The following SHC4 variants were observed in gnomAD, a reference collection of about 807,000 sequenced individuals.
SHC4 encodes the protein SHC adaptor protein 4, also known as SHC-transforming protein 4.
SHC4 carries 41 observed loss-of-function variants against 69.4 expected under a neutral mutation model. The ratio of observed to expected loss-of-function variants is 0.59; its 90% CI spans 0.46 to 0.77. SHC4 has a LOEUF of 0.77. Ranked by LOEUF, SHC4 falls within the 30% of genes least tolerant of loss-of-function variation. The pLI is 0.00. For synonymous variants in SHC4, 318 were observed against 299.3 expected (o/e 1.06, Z -0.64); for missense variants, 777 against 783.8 (o/e 0.99, Z 0.10).
intron 9 of SHC4, among the ~76,000 whole-genome samples, chr15:48,849,901 G>A (rs1304938333): frequency 6.6e-6 from 1 of 152,192 alleles, no homozygotes; most frequent in Non-Finnish European, 1.5e-5. Flanking sequence ...TATTTTTACA[G>A]AACTTAAAAT....
At chr15:48,851,120 G>T in intron 9 of SHC4, 68 bp downstream of exon 9, 1 of 1,479,958 alleles carries the variant, frequency 6.8e-7, no homozygotes, top group Non-Finnish European at 9.4e-7. Context: ...AAGAGCAAGG[G>T]CCACATATGT....
chr15:48,856,063 T>A lies in SHC4; in HGVS notation c.1132A>T (p.Ile378Phe), dbSNP rs1049270486. The A allele has an allele frequency of 3.7e-6, 6 of 1,613,894 alleles. No homozygotes were observed. The highest frequency in any genetic ancestry group is 1.7e-4 in the Middle Eastern group (1 of 6,060). The change falls in exon 8 of 12, where the codon ATT becomes TTT. Residue 378 changes from isoleucine (I) to phenylalanine (F), a missense_variant. Transcript: ENST00000332408. ...EREDHEYYNE[I>F]PGKQPPVGGV... ...CCTACTGGTGGCTGCTTCCCTGGAA[T>A]TTCATTGTAATATTCATGATCTTCT... is the stretch of plus-strand genomic sequence containing the variant.
At chr15:48,895,764 A>G (rs1486278665) in intron 2 of SHC4, among the ~76,000 whole-genome samples, 1 of 152,134 alleles carries the variant, frequency 6.6e-6, no homozygotes, top group Admixed American at 6.5e-5. Flanking sequence ...AAAGGGGAAA[A>G]CTTGTGCTTA....
At chr15:48,961,168 G>C (rs1032059955) in intron 1 of SHC4, among the ~76,000 whole-genome samples, 9 of 152,048 alleles carry the variant, frequency 5.9e-5, no homozygotes, top group African/African-American at 2.2e-4. Context: ...TGTCCTCCAA[G>C]TCTCTAATTT....
At chr15:48,827,149 G>C (rs1261382922) in intron 11 of SHC4, among the ~76,000 whole-genome samples, 1 of 152,152 alleles carries the variant, frequency 6.6e-6, no homozygotes, top group Non-Finnish European at 1.5e-5. Flanking sequence ...ATGCAACAAG[G>C]CAGCACCTCG....
chr15:48,954,326 C>G (rs1010516861), intron 1 of SHC4, among the ~76,000 whole-genome samples: 1 of 152,222 alleles, frequency 6.6e-6, no homozygotes, highest in Non-Finnish European at 1.5e-5. Context: ...CTGGACTCAG[C>G]AGAGGTTCCC....
intron 3 of SHC4, among the ~76,000 whole-genome samples, chr15:48,889,695 T>A (rs908529946): frequency 6.6e-6 from 1 of 152,078 alleles, no homozygotes; most frequent in African/African-American, 2.4e-5. Context: ...ATACAAAAAA[T>A]TAGCCGGGTG....
chr15:48,849,367 C>A (rs1421807409), intron 9 of SHC4, among the ~76,000 whole-genome samples: 1 of 152,140 alleles, frequency 6.6e-6, no homozygotes, highest in Non-Finnish European at 1.5e-5. Flanking sequence ...ACAGCCTCCC[C>A]AATTAAGTTA....
intron 9 of SHC4, among the ~76,000 whole-genome samples, chr15:48,844,586 T>C (rs1211149113): frequency 1.3e-5 from 2 of 152,198 alleles, no homozygotes; most frequent in Non-Finnish European, 2.9e-5. Context: ...CAGACCAGAA[T>C]AGATCTCTGC....
intron 9 of SHC4, among the ~76,000 whole-genome samples, chr15:48,844,209 C>A (rs1899046026): frequency 6.6e-6 from 1 of 152,144 alleles, no homozygotes; most frequent in Non-Finnish European, 1.5e-5. Context: ...GAACTCAAGC[C>A]TCAGGTTATC....
At position 48,963,289 on chromosome 15, in the gene SHC4, C is replaced by A. The variant is rs916816260; in HGVS notation, c.-274G>T. On this transcript the variant is annotated 5_prime_UTR_variant, in exon 1 of 12. Coordinates refer to ENST00000332408, the MANE Select transcript of SHC4 (RefSeq NM_203349.4). Reference sequence around the variant, plus strand: ...GGAATCCTTGTCGGGAGAGCCTAGACCCAGGCTCCCGGCGGCGCGGGTCGC... The same window carrying A: ...GGAATCCTTGTCGGGAGAGCCTAGAACCAGGCTCCCGGCGGCGCGGGTCGC... 3 of 393,390 alleles carry A rather than the reference C, an allele frequency of 7.6e-6. No individual in the cohort carries two copies. The highest frequency in any genetic ancestry group is 3.9e-5 in the East Asian group (1 of 25,454). 24.4% of individuals were successfully genotyped at this position (393,390 alleles called of 1,614,324 possible).
At position 48,890,753 on chromosome 15, in the gene SHC4, G is replaced by T; in HGVS notation, c.715C>A (p.Arg239=). Residue 239 remains arginine, a synonymous_variant, in exon 3 of 12, where the codon CGA becomes AGA. Coordinates refer to ENST00000332408, the MANE Select transcript of SHC4 (RefSeq NM_203349.4). ...AAAACCACATCATCATTTACCTTTC[G>T]CTTTTTAATGGCTCCATTTGCCCCG... ...VPGANGAIKK[R]KPPVKFLSTV... 1 of 1,614,104 alleles carries T rather than the reference G, an allele frequency of 6.2e-7. No individual in the cohort carries two copies. The highest frequency in any genetic ancestry group is 8.5e-7 in the Non-Finnish European group (1 of 1,180,008).
chr15:48,946,868 T>C lies in SHC4; in HGVS notation c.585+15563A>G, dbSNP rs531264577. 5.3e-5 allele frequency among the ~76,000 whole-genome samples: 8 copies of C among 152,340 alleles called. 1 individual carries two copies. Among genetic ancestry groups the C allele is most frequent in the Admixed American group, 5.2e-4 (8 of 15,302 alleles). Reference sequence around the variant, plus strand: ...TTTGTTTTTAAGTGAACAGCAGATATCTATTTCAGATGGATTAACATTTTT... The same window carrying C: ...TTTGTTTTTAAGTGAACAGCAGATACCTATTTCAGATGGATTAACATTTTT... On this transcript the variant is annotated intron_variant, in intron 1 of 11. Coordinates refer to ENST00000332408, the MANE Select transcript of SHC4 (RefSeq NM_203349.4).
In SHC4 at chr15:48,962,688, C is replaced by T. The variant is rs764247951; in HGVS notation, c.328G>A (p.Gly110Ser). Residue 110 changes from glycine to serine, a missense_variant, in exon 1 of 12, where the codon GGT becomes AGT. By Grantham distance (56) the Gly-to-Ser change is moderately conservative. Coordinates refer to ENST00000332408, the MANE Select transcript of SHC4 (RefSeq NM_203349.4). ...TTCAGCCGAGGCACCTCTTTGGTAC[C>T]CAGGCAAAAGTTTTTCAGACTCAGC... ...TLLSLKNFCL[G>S]TKEVPRLKLQ... The T allele has an allele frequency of 2.5e-6, 4 of 1,614,134 alleles. No individual in the cohort carries two copies. In the African/African-American group the frequency reaches 4.0e-5, roughly 16 times the overall value.
chr15:48,886,261 T>C (rs1033724034), intron 3 of SHC4, among the ~76,000 whole-genome samples: 1 of 151,808 alleles, frequency 6.6e-6, no homozygotes, highest in African/African-American at 2.4e-5. Context: ...TCTCAAAATA[T>C]ATATATATAT....
At chr15:48,961,539 T>C (rs1373585795) in intron 1 of SHC4, among the ~76,000 whole-genome samples, 1 of 152,218 alleles carries the variant, frequency 6.6e-6, no homozygotes, top group Non-Finnish European at 1.5e-5. Flanking sequence ...CCCTCCTTTC[T>C]GCCAACCCAG....
intron 2 of SHC4, among the ~76,000 whole-genome samples, chr15:48,923,740 A>G (rs374866090): frequency 2.0e-5 from 3 of 150,332 alleles, no homozygotes; most frequent in Non-Finnish European, 4.4e-5. Context: ...CCTGGGCTCA[A>G]GTGATCCTCC....
intron 2 of SHC4, among the ~76,000 whole-genome samples, chr15:48,908,393 A>T (rs1595753115): frequency 6.6e-6 from 1 of 151,364 alleles, no homozygotes; most frequent in Non-Finnish European, 1.5e-5. Context: ...TTTTGATGGG[A>T]TTGTTTGTTT....
At chr15:48,919,295 A>ATTTTTTTTTTTTT (rs386382928) in intron 2 of SHC4, among the ~76,000 whole-genome samples, 784 of 71,218 alleles carry the variant, frequency 0.011, 124 homozygotes, top group Middle Eastern at 0.034. Context: ...ATTTATTTTA[A>ATTTTTTTTTTTTT]TTTTTTTTTT....
Sources: allele counts gnomAD v4.1 joint callset (sites outside exome capture counted in the v4.1 genomes callset), GRCh38; gene constraint gnomAD v4.1.1; transcripts MANE v1.5; gene names NCBI Gene and HGNC (gene_info 2026-07-23, HGNC 2026-07-21).